Variants in ANKFN1 observed in about 807,000 individuals in gnomAD.
The protein encoded by ANKFN1 is ankyrin repeat and fibronectin type III domain containing 1.
Under a neutral mutation model 108.7 loss-of-function variants are expected in ANKFN1, and 74 were observed. The observed-to-expected ratio is 0.68, with a 90% CI of 0.56 to 0.83. The LOEUF is 0.83. ANKFN1 is among the 40% of genes least tolerant of loss of function. The probability of loss-of-function intolerance (pLI) is 0.00; values close to 1 mark genes in which losing one functional copy is unlikely to be tolerated. For synonymous variants in ANKFN1, 547 were observed against 516.2 expected (o/e 1.06, Z -0.81); for missense variants, 1,505 against 1,382.3 (o/e 1.09, Z -1.41).
chr17:56,360,137 A>G lies in ANKFN1; in HGVS notation c.601+6091A>G, dbSNP rs192762033. Among the ~76,000 whole-genome samples the G allele has an allele frequency of 1.3e-3, 198 of 152,104 alleles. 1 individual carries two copies. Among genetic ancestry groups the G allele is most frequent in the African/African-American group, 4.2e-3 (175 of 41,504 alleles). ...CAGGTCTCTATAATGAGCCCTCAAT[A>G]TTTTTTTCTGCTTCACTAAAATAGG... is the stretch of plus-strand genomic sequence containing the variant. On this transcript the variant is annotated intron_variant, in intron 6 of 20. Transcript: ENST00000682825.
intron 3 of ANKFN1, among the ~76,000 whole-genome samples, chr17:56,309,957 C>A (rs1269754059): frequency 2.6e-5 from 4 of 152,160 alleles, no homozygotes; most frequent in Non-Finnish European, 5.9e-5. Context: ...TGTGATGTAG[C>A]ACTAAACTAC....
intron 8 of ANKFN1, among the ~76,000 whole-genome samples, chr17:56,396,951 T>C (rs2047606343): frequency 2.0e-5 from 3 of 152,134 alleles, no homozygotes. Context: ...TCAAATCATA[T>C]AGTTGCAGAA....
At chr17:56,306,776 C>A (rs1043070783) in intron 3 of ANKFN1, among the ~76,000 whole-genome samples, 1 of 152,172 alleles carries the variant, frequency 6.6e-6, no homozygotes, top group African/African-American at 2.4e-5. Context: ...CCAAGTCAAT[C>A]CTAAGCCAAA....
intron 1 of ANKFN1, among the ~76,000 whole-genome samples, chr17:56,184,595 A>C (rs1227579915): frequency 6.6e-6 from 1 of 152,138 alleles, no homozygotes. Flanking sequence ...ATTAACTTTG[A>C]TTTTGATATT....
At chr17:56,479,177 A>G (rs2050612511) in intron 16 of ANKFN1, among the ~76,000 whole-genome samples, 1 of 152,178 alleles carries the variant, frequency 6.6e-6, no homozygotes, top group Admixed American at 6.5e-5. Flanking sequence ...TTCCCTTGCC[A>G]AGGATCCAGT....
chr17:56,469,398 A>T (rs2050239207), intron 15 of ANKFN1, among the ~76,000 whole-genome samples: 1 of 152,144 alleles, frequency 6.6e-6, no homozygotes, highest in African/African-American at 2.4e-5. Context: ...AAAGGGAGAG[A>T]TAGGTCTTGG....
At chr17:56,396,682 A>C (rs1483366714) in intron 8 of ANKFN1, among the ~76,000 whole-genome samples, 1 of 152,136 alleles carries the variant, frequency 6.6e-6, no homozygotes, top group African/African-American at 2.4e-5. Flanking sequence ...CTTTATAGGC[A>C]TTGCTTCTTC....
intron 4 of ANKFN1, among the ~76,000 whole-genome samples, chr17:56,346,466 C>A (rs2046102663): frequency 6.6e-6 from 1 of 151,728 alleles, no homozygotes; most frequent in South Asian, 2.1e-4. Flanking sequence ...ACTGCTTTTA[C>A]CATGAATGTA....
chr17:56,307,143 A>T (rs886094158), intron 3 of ANKFN1, among the ~76,000 whole-genome samples: 13 of 152,336 alleles, frequency 8.5e-5, no homozygotes, highest in Admixed American at 7.8e-4. Flanking sequence ...AACCTAGGCA[A>T]TACCATTCAG....
chr17:56,280,965 G>A (rs1315757946), intron 3 of ANKFN1, among the ~76,000 whole-genome samples: 3 of 152,124 alleles, frequency 2.0e-5, no homozygotes, highest in Non-Finnish European at 4.4e-5. Context: ...GTTTTAAAAA[G>A]GGGAGTTTCC....
intron 1 of ANKFN1, chr17:56,174,323 G>A (rs1910934298): frequency 1.0e-6 from 1 of 985,584 alleles, no homozygotes; most frequent in Non-Finnish European, 1.2e-6. Flanking sequence ...TGGAGCTGAT[G>A]CCACCTGGAA....
At chr17:56,203,752 T>C (rs765737023) in intron 1 of ANKFN1, among the ~76,000 whole-genome samples, 1 of 152,170 alleles carries the variant, frequency 6.6e-6, no homozygotes, top group Non-Finnish European at 1.5e-5. Flanking sequence ...ACCTAGAAGC[T>C]GGAGAGACAG....
At chr17:56,291,624 C>A (rs996854532) in intron 3 of ANKFN1, among the ~76,000 whole-genome samples, 2 of 152,164 alleles carry the variant, frequency 1.3e-5, no homozygotes, top group Non-Finnish European at 2.9e-5. Flanking sequence ...CCTAGAGTAA[C>A]CTTCACTTCT....
chr17:56,412,997 A>G (rs957921255), intron 8 of ANKFN1, among the ~76,000 whole-genome samples: 1 of 151,816 alleles, frequency 6.6e-6, no homozygotes, highest in African/African-American at 2.4e-5. Flanking sequence ...AATCTTTTCT[A>G]TTGTTTCTAT....
chr17:56,285,575 T>A (rs116555560), intron 3 of ANKFN1, among the ~76,000 whole-genome samples: 298 of 152,188 alleles, frequency 2.0e-3, no homozygotes, highest in African/African-American at 6.8e-3. Context: ...TGACATGTTT[T>A]CCTTCTTAGC....
At chr17:56,349,603 A>C (rs2046195428) in intron 4 of ANKFN1, among the ~76,000 whole-genome samples, 1 of 152,074 alleles carries the variant, frequency 6.6e-6, no homozygotes, top group African/African-American at 2.4e-5. Flanking sequence ...TATCTATTGA[A>C]AGCCTACAAC....
chr17:56,148,285 T>C (rs912371830), intron 4 of ANKFN1, among the ~76,000 whole-genome samples: 9 of 152,280 alleles, frequency 5.9e-5, no homozygotes, highest in African/African-American at 1.9e-4. Flanking sequence ...TTAAAATAGG[T>C]GAATCCCTTT....
chr17:56,453,026 A>G (rs1036211907), intron 11 of ANKFN1, among the ~76,000 whole-genome samples: 6 of 152,024 alleles, frequency 3.9e-5, no homozygotes, highest in Non-Finnish European at 5.9e-5. Context: ...CAGTTTTATT[A>G]TTTTCTTAAA....
upstream of ANKFN1, among the ~76,000 whole-genome samples, chr17:56,149,993 A>G (rs1367971222): frequency 1.3e-5 from 2 of 152,088 alleles, no homozygotes; most frequent in African/African-American, 2.4e-5. Flanking sequence ...ATTCTTTTCT[A>G]TCAGTTCACT....
Sources: allele counts gnomAD v4.1 joint callset (sites outside exome capture counted in the v4.1 genomes callset), GRCh38; gene constraint gnomAD v4.1.1; transcripts MANE v1.5; gene names NCBI Gene and HGNC (gene_info 2026-07-23, HGNC 2026-07-21).